TAFA2: variants seen among roughly 807,000 people sequenced by gnomAD.
TAFA2 encodes the protein chemokine-like protein TAFA-2.
In TAFA2, 7 loss-of-function variants were observed where a neutral mutation model predicts 18.8. That is an observed-to-expected ratio of 0.37 (90% CI 0.21 to 0.70). TAFA2 has a LOEUF of 0.70. Among genes scored for constraint, TAFA2 ranks in the 30% least tolerant of loss-of-function variants. The pLI, the probability that TAFA2 is intolerant of heterozygous loss-of-function variation, is 0.53. For missense variants in TAFA2, 122 were observed against 158.1 expected, an observed-to-expected ratio of 0.77 and a Z score of 1.23; for synonymous variants, 60 against 54.2, an observed-to-expected ratio of 1.11 and a Z score of -0.47.
intron 1 of TAFA2, among the ~76,000 whole-genome samples, chr12:62,088,880 TTCTC>T (rs35124773): frequency 0.36 from 53,352 of 149,062 alleles, 9,570 homozygotes; most frequent in East Asian, 0.47. Context: ...ATGTTTTTCT[TTCTC>T]TCTCTCTCTC....
At chr12:61,723,425 G>A (rs747950427) in intron 4 of TAFA2, among the ~76,000 whole-genome samples, 11 of 152,106 alleles carry the variant, frequency 7.2e-5, no homozygotes, top group African/African-American at 1.9e-4. Flanking sequence ...GGAAAAAGGC[G>A]ATAAGTAATT....
chr12:61,872,420 C>T (rs916158941), intron 1 of TAFA2, among the ~76,000 whole-genome samples: 3 of 152,040 alleles, frequency 2.0e-5, no homozygotes, highest in Non-Finnish European at 4.4e-5. Context: ...GAAAAAAATT[C>T]GCCCTTAGGG....
chr12:62,070,201 A>G (rs1882592749), intron 1 of TAFA2, among the ~76,000 whole-genome samples: 1 of 152,350 alleles, frequency 6.6e-6, no homozygotes, highest in Admixed American at 6.5e-5. Context: ...AATGGACTGC[A>G]GAGATATCTT....
intron 1 of TAFA2, among the ~76,000 whole-genome samples, chr12:61,948,222 G>C (rs1296516827): frequency 6.6e-6 from 1 of 152,064 alleles, no homozygotes; most frequent in Non-Finnish European, 1.5e-5. Context: ...CTCCAAGCAT[G>C]GGTTCTACTA....
At chr12:61,828,051 A>G (rs1281797729) in intron 2 of TAFA2, among the ~76,000 whole-genome samples, 1 of 151,964 alleles carries the variant, frequency 6.6e-6, no homozygotes, top group East Asian at 1.9e-4. Context: ...ATTTGCCACA[A>G]TGCATTGTTT....
chr12:62,028,309 G>C (rs746316904), intron 1 of TAFA2, among the ~76,000 whole-genome samples: 1 of 152,136 alleles, frequency 6.6e-6, no homozygotes, highest in Non-Finnish European at 1.5e-5. Flanking sequence ...TCAAGAACCA[G>C]CTAGACCCGT....
At chr12:62,219,539 C>G (rs2062751638) in intron 1 of TAFA2, among the ~76,000 whole-genome samples, 1 of 152,056 alleles carries the variant, frequency 6.6e-6, no homozygotes, top group African/African-American at 2.4e-5. Flanking sequence ...ATAGAAAATT[C>G]CAAGTCTTGT....
rs182139110 is a variant in TAFA2, at chr12:62,139,214, G to T, written c.-2+52045C>A. 2.0e-3 allele frequency among the ~76,000 whole-genome samples: 300 copies of T among 152,242 alleles called. 2 individuals are homozygous for T. The highest frequency in any genetic ancestry group is 7.0e-3 in the African/African-American group (291 of 41,556). Reference sequence around the variant, plus strand: ...TAAGCAAATGTGTTTTAATACTCCTGAAAAAACTAATAGTCAGCAAGATAG... The same window carrying T: ...TAAGCAAATGTGTTTTAATACTCCTTAAAAAACTAATAGTCAGCAAGATAG... On this transcript the variant is annotated intron_variant, in intron 1 of 4. Coordinates refer to ENST00000416284, the MANE Select transcript of TAFA2 (RefSeq NM_178539.5).
chr12:62,150,882 C>T (rs1299592067), intron 1 of TAFA2, among the ~76,000 whole-genome samples: 1 of 151,158 alleles, frequency 6.6e-6, no homozygotes, highest in African/African-American at 2.4e-5. Context: ...ACAGTGAGAC[C>T]CTGTCCAAAA....
At position 61,709,818 on chromosome 12, in the gene TAFA2, GATAT is replaced by G. The variant is rs1170720562; in HGVS notation, c.*584_*587del. 2.0e-5 allele frequency: 3 copies of G among 152,034 alleles called. No individual in the cohort carries two copies. Among genetic ancestry groups the G allele is most frequent in the South Asian group, 2.1e-4 (1 of 4,812 alleles). The allele number at this position is 152,034 out of a possible 1,614,324, so 9.4% of individuals were successfully genotyped here. A position where few individuals can be genotyped will look rare whatever the true frequency, so the allele number is the denominator to read the frequency against. Reference sequence around the variant, plus strand: ...TTACTTGCCAACATTATTACCAATGGATATATATTTCCATTCCTTTAACAAAAGC... The same window carrying G: ...TTACTTGCCAACATTATTACCAATGGATATTTCCATTCCTTTAACAAAAGC... On this transcript the variant is annotated 3_prime_UTR_variant, in exon 5 of 5. Transcript: ENST00000416284.
intron 2 of TAFA2, among the ~76,000 whole-genome samples, chr12:61,759,159 A>G (rs1317566082): frequency 1.3e-5 from 2 of 152,080 alleles, no homozygotes; most frequent in Non-Finnish European, 2.9e-5. Context: ...TTCCATTTCC[A>G]TACAAAATCA....
intron 1 of TAFA2, among the ~76,000 whole-genome samples, chr12:61,941,330 C>T (rs538834694): frequency 1.3e-5 from 2 of 152,124 alleles, no homozygotes; most frequent in African/African-American, 2.4e-5. Flanking sequence ...AATGTGGCTA[C>T]TAGAAAATTT....
intron 1 of TAFA2, among the ~76,000 whole-genome samples, chr12:62,072,462 C>G (rs547802217): frequency 3.9e-4 from 58 of 148,842 alleles, no homozygotes; most frequent in Admixed American, 8.1e-4. Flanking sequence ...GAGCGAGACT[C>G]CATCTCAAAA....
chr12:62,113,313 A>G (rs1405079763), intron 1 of TAFA2, among the ~76,000 whole-genome samples: 3 of 152,182 alleles, frequency 2.0e-5, no homozygotes, highest in Non-Finnish European at 2.9e-5. Flanking sequence ...CACCAGCAGA[A>G]GCTGCAGAGC....
intron 4 of TAFA2, among the ~76,000 whole-genome samples, chr12:61,719,503 G>A (rs1020157535): frequency 3.3e-5 from 5 of 151,962 alleles, no homozygotes; most frequent in Admixed American, 3.3e-4. Context: ...ACACCTATAT[G>A]ACTGCATCCC....
intron 1 of TAFA2, among the ~76,000 whole-genome samples, chr12:61,888,662 TA>T (rs150190518): frequency 0.02 from 3,055 of 152,148 alleles, 65 homozygotes; most frequent in East Asian, 0.12. Context: ...ACTTTTTGAA[TA>T]AAAATTAGGG....
chr12:62,144,366 C>T (rs1026555361), intron 1 of TAFA2, among the ~76,000 whole-genome samples: 1 of 152,092 alleles, frequency 6.6e-6, no homozygotes, highest in Non-Finnish European at 1.5e-5. Flanking sequence ...GACTGGATAT[C>T]GTTCCTGCCA....
intron 1 of TAFA2, among the ~76,000 whole-genome samples, chr12:62,100,490 C>G (rs1869146969): frequency 6.6e-6 from 1 of 152,142 alleles, no homozygotes; most frequent in African/African-American, 2.4e-5. Flanking sequence ...TACTAGCTAA[C>G]TTCTAAATAT....
upstream of TAFA2, among the ~76,000 whole-genome samples, chr12:62,197,450 T>C (rs1230830134): frequency 6.6e-6 from 1 of 152,250 alleles, no homozygotes; most frequent in Non-Finnish European, 1.5e-5. Flanking sequence ...AGAAAATTAC[T>C]TTATTGAAGT....
Sources: gnomAD v4.1 joint callset for allele counts (sites outside exome capture counted in the v4.1 genomes callset) on GRCh38, gnomAD v4.1.1 for gene constraint, MANE v1.5 for transcripts, NCBI Gene and HGNC (gene_info 2026-07-23, HGNC 2026-07-21) for gene names.